VAV3: variants seen among roughly 807,000 people sequenced by gnomAD.
VAV3 encodes the protein guanine nucleotide exchange factor VAV3.
Under a neutral mutation model 131.2 loss-of-function variants are expected in VAV3, and 94 were observed. The observed-to-expected ratio is 0.72, with a 90% CI of 0.61 to 0.85. The LOEUF (loss-of-function observed/expected upper bound fraction) is 0.85, where lower values mean the gene tolerates loss of function less well. Among genes scored for constraint, VAV3 ranks in the 40% least tolerant of loss-of-function variants. VAV3 has a pLI of 0.00. For missense variants in VAV3, 939 were observed against 1,002.7 expected (o/e 0.94, Z 0.86); for synonymous variants, 349 against 342.0 (o/e 1.02, Z -0.22).
intron 19 of VAV3, among the ~76,000 whole-genome samples, chr1:107,661,025 C>A (rs17479604): frequency 0.12 from 18,229 of 151,842 alleles, 1,222 homozygotes; most frequent in East Asian, 0.19. Flanking sequence ...TATACACACA[C>A]ACATAAAGAA....
Position 107,633,852 on chromosome 1 carries a change from C to T in VAV3, c.1914+8767G>A, listed in dbSNP as rs1030303368. ...AGAAAGCCTCTGCTGAGTTCCTAGA[C>T]AGAGGCTAACACTAACTGCCAATCC... On this transcript the variant is annotated intron_variant, in intron 20 of 26. Coordinates refer to ENST00000370056, the MANE Select transcript of VAV3 (RefSeq NM_006113.5). 3.3e-5 allele frequency among the ~76,000 whole-genome samples: 5 copies of T among 152,114 alleles called. No individual in the cohort carries two copies. In the East Asian group the frequency reaches 9.7e-4, roughly 29 times the overall value.
chr1:107,747,459 T>A (rs969232143), intron 15 of VAV3, among the ~76,000 whole-genome samples: 1 of 152,234 alleles, frequency 6.6e-6, no homozygotes, highest in African/African-American at 2.4e-5. Flanking sequence ...TTCAAATTGT[T>A]TAACTCCAAG....
At chr1:107,927,988 C>T (rs1166994260) in intron 1 of VAV3, among the ~76,000 whole-genome samples, 2 of 152,140 alleles carry the variant, frequency 1.3e-5, no homozygotes, top group African/African-American at 2.4e-5. Flanking sequence ...GCTATACTGG[C>T]TTCAGAGCAC....
chr1:107,762,106 T>C (rs1401652205), intron 9 of VAV3, among the ~76,000 whole-genome samples: 1 of 136,166 alleles, frequency 7.3e-6, no homozygotes, highest in South Asian at 2.4e-4. Flanking sequence ...CACGTAACTA[T>C]GGTGTTCTTC....
At chr1:107,735,820 T>C (rs528951964) in intron 15 of VAV3, among the ~76,000 whole-genome samples, 170 of 152,036 alleles carry the variant, frequency 1.1e-3, no homozygotes, top group African/African-American at 4.0e-3. Context: ...TTCCAATCAA[T>C]AGAAAAAGAG....
chr1:107,938,875 C>G (rs980175575), intron 1 of VAV3, among the ~76,000 whole-genome samples: 1 of 152,240 alleles, frequency 6.6e-6, no homozygotes, highest in Non-Finnish European at 1.5e-5. Context: ...ATAACCTACT[C>G]TTGTACCAAT....
chr1:107,767,319 C>T (rs1294472555), intron 7 of VAV3, among the ~76,000 whole-genome samples: 1 of 152,176 alleles, frequency 6.6e-6, no homozygotes, highest in Non-Finnish European at 1.5e-5. Flanking sequence ...GCAACTTGAA[C>T]TAGGTGCCAA....
chr1:107,641,574 AAG>A (rs1447591178), intron 20 of VAV3, among the ~76,000 whole-genome samples: 1 of 152,182 alleles, frequency 6.6e-6, no homozygotes, highest in Non-Finnish European at 1.5e-5. Flanking sequence ...TCCACCGGCC[AAG>A]AGAGATTTCA....
At chr1:107,892,381 G>A (rs1671351272) in intron 1 of VAV3, among the ~76,000 whole-genome samples, 1 of 152,134 alleles carries the variant, frequency 6.6e-6, no homozygotes, top group Admixed American at 6.6e-5. Flanking sequence ...AGATGCTAAA[G>A]ATACAAAGAG....
chr1:107,908,634 T>C (rs531697178), intron 1 of VAV3, among the ~76,000 whole-genome samples: 1 of 152,240 alleles, frequency 6.6e-6, no homozygotes, highest in East Asian at 1.9e-4. Flanking sequence ...GAGAACTAAA[T>C]TATGCATACT....
rs5776903 is a variant in VAV3 at position 107,889,132 on chromosome 1, AGTGTGTGT to A, written c.205-14123_205-14116del. On this transcript the variant is annotated intron_variant, in intron 1 of 26. Transcript: ENST00000370056. ...TTTTGTTCCAAGTTCTCCTGTGTAG[AGTGTGTGT>A]GTGTGTGTGTGTGTGTGTGTGTGTG... 5.9e-3 allele frequency among the ~76,000 whole-genome samples: 840 copies of A among 142,034 alleles called. 13 individuals are homozygous for A. Among genetic ancestry groups the A allele is most frequent in the African/African-American group, 0.02 (749 of 37,666 alleles). The allele number at this position is 142,034 out of a possible 152,430, so 93.2% of individuals were successfully genotyped here.
intron 15 of VAV3, among the ~76,000 whole-genome samples, chr1:107,727,099 C>A (rs1024258110): frequency 3.3e-5 from 5 of 152,232 alleles, no homozygotes; most frequent in Non-Finnish European, 7.3e-5. Flanking sequence ...TTAACCTCCA[C>A]ACTTCCTCTA....
At chr1:107,722,694 C>T (rs970776632) in intron 15 of VAV3, among the ~76,000 whole-genome samples, 2 of 152,052 alleles carry the variant, frequency 1.3e-5, no homozygotes, top group East Asian at 3.9e-4. Flanking sequence ...CAAGCCATGG[C>T]ATGAGGTGAG....
chr1:107,632,406 A>C (rs1032767905), intron 20 of VAV3, among the ~76,000 whole-genome samples: 2 of 152,190 alleles, frequency 1.3e-5, no homozygotes, highest in African/African-American at 4.8e-5. Context: ...GAAGAAACTA[A>C]GCTACATAAT....
chr1:107,670,512 A>G (rs1327821906), intron 19 of VAV3, among the ~76,000 whole-genome samples: 1 of 152,180 alleles, frequency 6.6e-6, no homozygotes, highest in African/African-American at 2.4e-5. Context: ...ATGTTATTGA[A>G]AAAAACTGGC....
chr1:107,634,791 C>G (rs1463342669), intron 20 of VAV3, among the ~76,000 whole-genome samples: 1 of 151,812 alleles, frequency 6.6e-6, no homozygotes, highest in African/African-American at 2.4e-5. Context: ...AAACAAACAA[C>G]CCCATGAAAA....
Position 107,881,426 on chromosome 1 carries a change from T to C in VAV3, c.205-6409A>G, listed in dbSNP as rs896977186. Among the ~76,000 whole-genome samples, 5 of 152,078 alleles carry C rather than the reference T, an allele frequency of 3.3e-5. No individual in the cohort carries two copies. In the South Asian group the frequency reaches 6.2e-4, roughly 19 times the overall value. On this transcript the variant is annotated intron_variant, in intron 1 of 26. Coordinates refer to ENST00000370056, the MANE Select transcript of VAV3 (RefSeq NM_006113.5). ...TCACTGAAAATGGTAACTTAGCAAA[T>C]TGGGGGACATAGTATGTGAAAAGGA... is the stretch of plus-strand genomic sequence containing the variant.
chr1:107,591,861 T>C (rs1335551812), intron 25 of VAV3, among the ~76,000 whole-genome samples: 1 of 152,160 alleles, frequency 6.6e-6, no homozygotes, highest in Non-Finnish European at 1.5e-5. Flanking sequence ...AAAACAAAGG[T>C]ATTCTCTTCT....
intron 1 of VAV3, among the ~76,000 whole-genome samples, chr1:107,900,790 C>CTG (rs5776907): frequency 0.25 from 38,237 of 151,960 alleles, 4,814 homozygotes; most frequent in African/African-American, 0.28. Flanking sequence ...TTTGTGGTCT[C>CTG]TGAACTTAAC....
Sources: gnomAD v4.1 joint callset for allele counts (sites outside exome capture counted in the v4.1 genomes callset) on GRCh38, gnomAD v4.1.1 for gene constraint, MANE v1.5 for transcripts, NCBI Gene and HGNC (gene_info 2026-07-23, HGNC 2026-07-21) for gene names.